CPEB3: variants seen among roughly 807,000 people sequenced by gnomAD.
The protein encoded by CPEB3 is cytoplasmic polyadenylation element binding protein 3.
A neutral mutation model predicts 67.2 loss-of-function variants in CPEB3; 20 were observed. That is an observed-to-expected ratio of 0.30 (90% CI 0.21 to 0.43). The LOEUF is 0.43. Ranked by LOEUF, CPEB3 falls within the 20% of genes least tolerant of loss-of-function variation. The pLI, the probability that CPEB3 is intolerant of heterozygous loss-of-function variation, is 1.00. For synonymous variants in CPEB3, 376 were observed against 393.1 expected (o/e 0.96, Z 0.51); for missense variants, 746 against 968.6 (o/e 0.77, Z 3.05).
chr10:92,188,349 A>C (rs1271360944), intron 3 of CPEB3, among the ~76,000 whole-genome samples: 4 of 149,544 alleles, frequency 2.7e-5, no homozygotes, highest in South Asian at 4.2e-4. Context: ...AAAAAAAAAA[A>C]AAACCCAGGA....
At chr10:92,241,296 G>A (rs1359075365) in intron 1 of CPEB3, among the ~76,000 whole-genome samples, 3 of 149,148 alleles carry the variant, frequency 2.0e-5, no homozygotes, top group Non-Finnish European at 4.4e-5. Context: ...GCGCGCGAGC[G>A]AGCGAGCGCC....
chr10:92,066,190 T>A (rs867307936), intron 9 of CPEB3, among the ~76,000 whole-genome samples: 4 of 152,172 alleles, frequency 2.6e-5, no homozygotes, highest in South Asian at 4.1e-4. Flanking sequence ...AAGTTCTCCT[T>A]TTTAAAAAAT....
At chr10:92,289,732 A>AAAAAAAAAAAATATATATAT in intron 1 of CPEB3, among the ~76,000 whole-genome samples, 5 of 75,768 alleles carry the variant, frequency 6.6e-5, no homozygotes, top group Admixed American at 1.9e-4. Flanking sequence ...AAAAAAAAAA[A>AAAAAAAAAAAATATATATAT]ATATATATAT....
chr10:92,083,329 A>G (rs1843233142), intron 8 of CPEB3, among the ~76,000 whole-genome samples: 1 of 152,252 alleles, frequency 6.6e-6, no homozygotes, highest in Non-Finnish European at 1.5e-5. Context: ...ACTAAGCCAT[A>G]TCAGCCAAGG....
chr10:92,110,912 G>A (rs1487445067), intron 7 of CPEB3, among the ~76,000 whole-genome samples, 164 bp downstream of exon 7: 1 of 152,240 alleles, frequency 6.6e-6, no homozygotes, highest in East Asian at 1.9e-4. Context: ...GTAATTTGTT[G>A]TTAGTTTCCC....
At position 92,144,934 on chromosome 10, in the gene CPEB3, A is replaced by G. The variant is rs748610817; in HGVS notation, c.1363+11T>C. 6.2e-7 allele frequency: 1 copy of G among 1,612,970 alleles called. No individual in the cohort carries two copies. Among genetic ancestry groups the G allele is most frequent in the Admixed American group, 1.7e-5 (1 of 59,990 alleles). On this transcript the variant is annotated intron_variant, in intron 5 of 9. Transcript: ENST00000265997. ...TCAGCCTTTGCAAAATCATTAATGAATGCATAGTACCTTCATCAATATCAG... is the reference window on the plus strand; with the variant it reads ...TCAGCCTTTGCAAAATCATTAATGAGTGCATAGTACCTTCATCAATATCAG...
chr10:92,211,536 ATTTT>A (rs200179192), intron 2 of CPEB3, among the ~76,000 whole-genome samples: 3 of 140,772 alleles, frequency 2.1e-5, no homozygotes, highest in Admixed American at 7.2e-5. Context: ...ATATATCATA[ATTTT>A]TTTTTTTTTT....
chr10:92,218,052 C>G (rs11186859), intron 2 of CPEB3, among the ~76,000 whole-genome samples: 33,754 of 152,150 alleles, frequency 0.22, 4,707 homozygotes, highest in Middle Eastern at 0.34. Flanking sequence ...CAAGGCTTCA[C>G]TGAGCTGTGA....
chr10:92,107,345 G>T (rs774700910), intron 7 of CPEB3, among the ~76,000 whole-genome samples: 1 of 152,116 alleles, frequency 6.6e-6, no homozygotes, highest in Non-Finnish European at 1.5e-5. Flanking sequence ...AATTGTAGTC[G>T]TGCTATAAAT....
intron 1 of CPEB3, among the ~76,000 whole-genome samples, chr10:92,263,491 T>G (rs549168366): frequency 6.6e-6 from 1 of 152,260 alleles, no homozygotes; most frequent in Non-Finnish European, 1.5e-5. Context: ...CTAGAATCTA[T>G]ACTTAAGTGT....
At chr10:92,257,045 A>G (rs1205788154) in intron 1 of CPEB3, among the ~76,000 whole-genome samples, 1 of 152,262 alleles carries the variant, frequency 6.6e-6, no homozygotes. Context: ...TTAGACAAAG[A>G]GAAGTTCTAT....
At chr10:92,248,096 C>T (rs766704427) in intron 1 of CPEB3, among the ~76,000 whole-genome samples, 1 of 152,156 alleles carries the variant, frequency 6.6e-6, no homozygotes, top group Non-Finnish European at 1.5e-5. Context: ...TAGTTCCAAA[C>T]CCCCTACCCC....
chr10:92,203,421 T>A (rs1400375410), intron 2 of CPEB3, among the ~76,000 whole-genome samples: 4 of 143,924 alleles, frequency 2.8e-5, no homozygotes, highest in Admixed American at 2.8e-4. Flanking sequence ...TATATGTATA[T>A]ATATACGTAT....
In CPEB3 at chr10:92,278,478, C is replaced by T. The variant is rs72807287; in HGVS notation, c.-12+12448G>A. ...CCTAAACATTTTATTCTTTGCGATG[C>T]CTTTATAAATCAAATTGTTTTCCTT... On this transcript the variant is annotated intron_variant, in intron 1 of 9. Coordinates refer to ENST00000265997, the MANE Select transcript of CPEB3 (RefSeq NM_014912.5). 2.3e-3 allele frequency among the ~76,000 whole-genome samples: 350 copies of T among 152,180 alleles called. 1 individual carries two copies. The highest frequency in any genetic ancestry group is 6.8e-3 in the Middle Eastern group (2 of 294).
At chr10:92,241,009 G>GC (rs1337466820) in intron 1 of CPEB3, among the ~76,000 whole-genome samples, 11 of 152,100 alleles carry the variant, frequency 7.2e-5, no homozygotes, top group Admixed American at 3.3e-4. Context: ...TCATTCTCTG[G>GC]CCTCCCAGTA....
At chr10:92,082,225 T>C (rs1377012494) in intron 8 of CPEB3, among the ~76,000 whole-genome samples, 1 of 152,118 alleles carries the variant, frequency 6.6e-6, no homozygotes, top group African/African-American at 2.4e-5. Context: ...GATCCAGAGG[T>C]CTGGCCTGTA....
At chr10:92,136,610 G>T (rs551026191) in intron 6 of CPEB3, among the ~76,000 whole-genome samples, 28 of 152,096 alleles carry the variant, frequency 1.8e-4, no homozygotes, top group Non-Finnish European at 3.7e-4. Flanking sequence ...ACCCAGGCTG[G>T]AGTGCAGTGG....
At chr10:92,068,744 C>T (rs1622656) in intron 9 of CPEB3, among the ~76,000 whole-genome samples, 24,991 of 152,078 alleles carry the variant, frequency 0.16, 2,932 homozygotes, top group East Asian at 0.46. Context: ...GAAGTCAGGA[C>T]GTGGAAGGAG....
chr10:92,266,042 G>A (rs1853041732), intron 1 of CPEB3, among the ~76,000 whole-genome samples: 2 of 152,092 alleles, frequency 1.3e-5, no homozygotes, highest in African/African-American at 4.8e-5. Flanking sequence ...CCTGAGCTTA[G>A]TGCCCTCGAC....
Sources: allele counts gnomAD v4.1 joint callset (sites outside exome capture counted in the v4.1 genomes callset), GRCh38; gene constraint gnomAD v4.1.1; transcripts MANE v1.5; gene names NCBI Gene and HGNC (gene_info 2026-07-23, HGNC 2026-07-21).